The following WDR7 variants were observed in gnomAD, a reference collection of about 807,000 sequenced individuals.
WDR7 encodes WD repeat domain 7, also known as WD repeat-containing protein 7.
A neutral mutation model predicts 169.4 loss-of-function variants in WDR7; 46 were observed. The ratio of observed to expected loss-of-function variants is 0.27; its 90% confidence interval spans 0.21 to 0.35. The LOEUF is 0.35. Among genes scored for constraint, WDR7 ranks in the 10% least tolerant of loss-of-function variants. The pLI is 1.00. For synonymous variants in WDR7, 612 were observed against 666.8 expected (o/e 0.92, Z 1.27); for missense variants, 1,534 against 1,859.3 (o/e 0.83, Z 3.22).
intron 21 of WDR7, among the ~76,000 whole-genome samples, chr18:56,881,453 A>G (rs1446826832): frequency 6.6e-6 from 1 of 152,116 alleles, no homozygotes; most frequent in African/African-American, 2.4e-5. Flanking sequence ...TTAACCTGGC[A>G]AGGATCATAC....
At chr18:56,822,168 C>T (rs2145242266) in intron 20 of WDR7, among the ~76,000 whole-genome samples, 1 of 152,250 alleles carries the variant, frequency 6.6e-6, no homozygotes, top group South Asian at 2.1e-4. Flanking sequence ...AAAATCACCG[C>T]ATATTCGTTC....
chr18:56,678,728 C>T (rs987664843), intron 2 of WDR7, among the ~76,000 whole-genome samples: 1 of 152,164 alleles, frequency 6.6e-6, no homozygotes, highest in African/African-American at 2.4e-5. Context: ...AACTCCTGAC[C>T]TCATGATCTG....
chr18:57,036,535 T>C, the WDR7 span: 1 of 152,532 alleles, frequency 6.6e-6, no homozygotes. Flanking sequence ...AGCTCCCCCC[T>C]GCCTATGTAT....
At chr18:56,901,084 A>G (rs2046394731) in intron 21 of WDR7, among the ~76,000 whole-genome samples, 1 of 152,220 alleles carries the variant, frequency 6.6e-6, no homozygotes, top group Non-Finnish European at 1.5e-5. Context: ...CTAAAATTTT[A>G]TTATCTGCTT....
intron 26 of WDR7, among the ~76,000 whole-genome samples, chr18:56,988,579 C>T (rs189457550): frequency 7.1e-6 from 1 of 141,834 alleles, no homozygotes; most frequent in Non-Finnish European, 1.5e-5. Context: ...AGAAAGACCT[C>T]ATGGAAGGCA....
intron 19 of WDR7, among the ~76,000 whole-genome samples, chr18:56,809,285 CAT>C (rs2044828652): frequency 6.6e-6 from 1 of 151,882 alleles, no homozygotes; most frequent in African/African-American, 2.4e-5. Flanking sequence ...TTCTTTTTAT[CAT>C]ATCTCTTTCC....
intron 26 of WDR7, among the ~76,000 whole-genome samples, chr18:57,008,077 C>T (rs749050793): frequency 1.3e-5 from 2 of 152,120 alleles, no homozygotes; most frequent in Non-Finnish European, 2.9e-5. Context: ...CCTGAATTCT[C>T]ACACTGAGCT....
chr18:56,721,218 T>G (rs2026313553), intron 13 of WDR7, among the ~76,000 whole-genome samples: 1 of 152,158 alleles, frequency 6.6e-6, no homozygotes, highest in Non-Finnish European at 1.5e-5. Context: ...TTGGGCAATT[T>G]TCTAGTTATT....
At chr18:56,987,001 T>C (rs2047731216) in intron 26 of WDR7, among the ~76,000 whole-genome samples, 1 of 152,134 alleles carries the variant, frequency 6.6e-6, no homozygotes, top group Non-Finnish European at 1.5e-5. Flanking sequence ...AACATTGTTC[T>C]TCCAGAGCTG....
At chr18:57,019,744 T>A (rs2048260960) in intron 26 of WDR7, among the ~76,000 whole-genome samples, 1 of 151,946 alleles carries the variant, frequency 6.6e-6, no homozygotes, top group Admixed American at 6.6e-5. Context: ...AGCCTGATGC[T>A]CCCACTGAGA....
At chr18:56,828,169 G>A (rs1474242122) in intron 20 of WDR7, among the ~76,000 whole-genome samples, 1 of 152,126 alleles carries the variant, frequency 6.6e-6, no homozygotes, top group Non-Finnish European at 1.5e-5. Flanking sequence ...CAAGAACTAA[G>A]CCATATCCAA....
chr18:57,024,372 T>C (rs1354283300), intron 27 of WDR7, among the ~76,000 whole-genome samples: 1 of 152,182 alleles, frequency 6.6e-6, no homozygotes, highest in Admixed American at 6.5e-5. Context: ...TCTGAGTTTA[T>C]TGGAAAAATT....
At chr18:56,975,455 T>G (rs1214299886) in intron 26 of WDR7, among the ~76,000 whole-genome samples, 1 of 151,790 alleles carries the variant, frequency 6.6e-6, no homozygotes, top group Admixed American at 6.6e-5. Context: ...GAGGAGGAGG[T>G]GGACAAGCCT....
intron 21 of WDR7, among the ~76,000 whole-genome samples, chr18:56,894,925 A>C (rs1443303127): frequency 6.6e-6 from 1 of 152,142 alleles, no homozygotes; most frequent in East Asian, 1.9e-4. Context: ...TGATTATTTC[A>C]ACAGAAGTAA....
chr18:56,727,299 A>G (rs1049189194), intron 13 of WDR7, among the ~76,000 whole-genome samples: 16 of 151,968 alleles, frequency 1.1e-4, no homozygotes, highest in African/African-American at 3.6e-4. Flanking sequence ...GGCAGAGTCC[A>G]CTCTTTCCCT....
intron 21 of WDR7, among the ~76,000 whole-genome samples, chr18:56,906,054 A>G (rs2046472089): frequency 6.6e-6 from 1 of 152,094 alleles, no homozygotes; most frequent in Admixed American, 6.6e-5. Flanking sequence ...CCCCTAATGT[A>G]TTAATGGACC....
intron 16 of WDR7, among the ~76,000 whole-genome samples, chr18:56,760,160 C>T (rs140128812): frequency 4.1e-4 from 62 of 152,232 alleles, no homozygotes; most frequent in Non-Finnish European, 6.5e-4. Flanking sequence ...ATATAATATA[C>T]ATACAGAAAC....
In WDR7 at chr18:56,856,988, T is replaced by C. The variant is rs147482911; in HGVS notation, c.3305-22956T>C. Among the ~76,000 whole-genome samples, 47 of 152,324 alleles carry C rather than the reference T, an allele frequency of 3.1e-4. No homozygotes were observed. The East Asian group carries it at 8.9e-3, about 29-fold the overall frequency. On this transcript the variant is annotated intron_variant, in intron 20 of 27. Coordinates refer to ENST00000254442, the MANE Select transcript of WDR7 (RefSeq NM_015285.3). ...ATGTAATATAAGGGAGATACCTGCT[T>C]TGATTCCTTCTAATTTCCTGTCAGC... is the stretch of plus-strand genomic sequence containing the variant.
intron 12 of WDR7, among the ~76,000 whole-genome samples, chr18:56,711,125 C>T (rs1568151700): frequency 6.7e-6 from 1 of 149,888 alleles, no homozygotes; most frequent in Non-Finnish European, 1.5e-5. Flanking sequence ...GCTTATGTGG[C>T]TTCTGTTGTT....
Sources: allele counts gnomAD v4.1 joint callset (sites outside exome capture counted in the v4.1 genomes callset), GRCh38; gene constraint gnomAD v4.1.1; transcripts MANE v1.5; gene names NCBI Gene and HGNC (gene_info 2026-07-23, HGNC 2026-07-21).